ZMIZ1: variants seen among roughly 807,000 people sequenced by gnomAD.
ZMIZ1 encodes zinc finger MIZ-type containing 1, also known as zinc finger MIZ domain-containing protein 1.
In ZMIZ1, 17 loss-of-function variants were observed where a neutral mutation model predicts 113.9. That is an observed-to-expected ratio of 0.15 (90% CI 0.10 to 0.22). ZMIZ1 has a LOEUF of 0.22. Among genes scored for constraint, ZMIZ1 ranks in the 10% least tolerant of loss-of-function variants. The probability of loss-of-function intolerance (pLI) is 1.00; values close to 1 mark genes in which losing one functional copy is unlikely to be tolerated. For synonymous variants in ZMIZ1, 607 were observed against 603.1 expected (o/e 1.01, Z -0.09); for missense variants, 1,059 against 1,477.8 (o/e 0.72, Z 4.65).
chr10:79,226,452 A>G (rs988762299), intron 7 of ZMIZ1, among the ~76,000 whole-genome samples: 15 of 152,196 alleles, frequency 9.9e-5, no homozygotes, highest in African/African-American at 3.6e-4. Context: ...AGGTCCTGCC[A>G]AAACAACCCC....
At chr10:79,146,128 T>A (rs1025306885) in intron 3 of ZMIZ1, among the ~76,000 whole-genome samples, 41 of 152,042 alleles carry the variant, frequency 2.7e-4, no homozygotes, top group Non-Finnish European at 5.0e-4. Context: ...CAGGGAAGGG[T>A]GGGAGCTGGC....
intron 3 of ZMIZ1, among the ~76,000 whole-genome samples, chr10:79,143,386 G>A (rs1845352438): frequency 6.6e-6 from 1 of 152,070 alleles, no homozygotes; most frequent in South Asian, 2.1e-4. Context: ...TCTGGCTGAG[G>A]TTTGACCCCG....
intron 1 of ZMIZ1, among the ~76,000 whole-genome samples, chr10:79,100,677 A>G (rs76962256): frequency 0.017 from 2,625 of 152,288 alleles, 70 homozygotes; most frequent in African/African-American, 0.051. Flanking sequence ...CAGGGGTCCC[A>G]TGATCCCTGC....
intron 3 of ZMIZ1, among the ~76,000 whole-genome samples, chr10:79,141,877 C>T (rs756366817): frequency 1.3e-5 from 2 of 152,134 alleles, no homozygotes; most frequent in Non-Finnish European, 2.9e-5. Context: ...CTCCTGTAGG[C>T]GGACAAGTGT....
chr10:79,200,665 A>G (rs982694537), intron 4 of ZMIZ1, among the ~76,000 whole-genome samples: 2 of 152,138 alleles, frequency 1.3e-5, no homozygotes, highest in African/African-American at 4.8e-5. Context: ...TCTGTCTCTC[A>G]GCCTCAGTTT....
At chr10:79,220,241 C>T (rs753175579) in intron 7 of ZMIZ1, among the ~76,000 whole-genome samples, 11 of 152,186 alleles carry the variant, frequency 7.2e-5, no homozygotes, top group South Asian at 2.1e-4. Context: ...TAATACCTGA[C>T]GCACACTGGG....
rs148910140 is a variant in ZMIZ1 at position 79,302,124 on chromosome 10, G to A, written c.2037G>A (p.Leu679=). Residue 679 remains leucine, a synonymous_variant, in exon 18 of 25, where the codon CTG becomes CTA. Transcript: ENST00000334512. ...TACCCSHLFV[L]QLVHRPSVRS... ...CCCCGCAGTCCCACCTCTTCGTGCT[G>A]CAGCTGGTACACCGGCCCTCCGTCC... 346 of 1,613,976 alleles carry A rather than the reference G, an allele frequency of 2.1e-4. No homozygotes were observed. The highest frequency in any genetic ancestry group is 2.7e-4 in the Non-Finnish European group (313 of 1,180,020).
intron 6 of ZMIZ1, 101 bp downstream of exon 6, chr10:79,208,550 T>C: frequency 4.1e-6 from 4 of 978,036 alleles, no homozygotes; most frequent in Non-Finnish European, 6.1e-6. Context: ...CATTGGGAGG[T>C]GACACCAGTG....
At chr10:79,211,817 G>T (rs1341751409) in intron 6 of ZMIZ1, among the ~76,000 whole-genome samples, 3 of 152,206 alleles carry the variant, frequency 2.0e-5, no homozygotes, top group Non-Finnish European at 4.4e-5. Flanking sequence ...CCCTCTGGGC[G>T]CCCTCTCCCT....
At chr10:79,074,810 G>A (rs1842413799) in intron 1 of ZMIZ1, among the ~76,000 whole-genome samples, 1 of 152,254 alleles carries the variant, frequency 6.6e-6, no homozygotes, top group African/African-American at 2.4e-5. Context: ...AGGCCAGGGA[G>A]CAGCCGGGCA....
intron 9 of ZMIZ1, 38 bp from the exon 10 acceptor site, chr10:79,290,921 G>T (rs907048450): frequency 6.2e-7 from 1 of 1,607,144 alleles, no homozygotes; most frequent in Non-Finnish European, 8.5e-7. Flanking sequence ...CACTGCCTCG[G>T]GTAGCACCTT....
At chr10:79,271,012 T>C (rs1851916562) in intron 7 of ZMIZ1, among the ~76,000 whole-genome samples, 1 of 152,048 alleles carries the variant, frequency 6.6e-6, no homozygotes, top group Admixed American at 6.5e-5. Flanking sequence ...TGCCTCCAAA[T>C]GGGGAATTGA....
chr10:79,292,215 G>A lies in ZMIZ1; in HGVS notation c.816G>A (p.Pro272=), dbSNP rs372248154. 8.6e-5 allele frequency: 139 copies of A among 1,612,266 alleles called. No homozygotes were observed. Among genetic ancestry groups the A allele is most frequent in the Non-Finnish European group, 1.1e-4 (134 of 1,179,642 alleles). ...TGGGCATCCCTCCGCACACCAGGCC[G>A]CCTGCTGACTTCACTCAGCCCGCGG... ...AGMGIPPHTR[P]PADFTQPAAA... The change falls in exon 11 of 25, where the codon CCG becomes CCA. Residue 272 remains proline, a synonymous_variant. Transcript: ENST00000334512.
chr10:79,149,711 C>G (rs1031726058), intron 3 of ZMIZ1, among the ~76,000 whole-genome samples: 1 of 152,206 alleles, frequency 6.6e-6, no homozygotes, highest in Admixed American at 6.5e-5. Flanking sequence ...TGCAAGAGCT[C>G]GCCCTCCAGG....
intron 1 of ZMIZ1, among the ~76,000 whole-genome samples, chr10:79,078,854 C>A (rs1211050971): frequency 2.0e-5 from 3 of 151,966 alleles, no homozygotes; most frequent in Middle Eastern, 3.4e-3. Flanking sequence ...TAGCCCCACC[C>A]TTTTTTTAAT....
chr10:79,181,892 C>T (rs549338827), intron 4 of ZMIZ1, among the ~76,000 whole-genome samples: 1 of 152,374 alleles, frequency 6.6e-6, no homozygotes, highest in South Asian at 2.1e-4. Context: ...CGGCTCCCCA[C>T]CGGCAGCTGA....
chr10:79,278,458 A>C (rs1410598880), intron 8 of ZMIZ1, among the ~76,000 whole-genome samples: 1 of 149,976 alleles, frequency 6.7e-6, no homozygotes, highest in Non-Finnish European at 1.5e-5. Flanking sequence ...TTTAGTATTT[A>C]TTGATCATTC....
At chr10:79,174,811 AGG>A (rs1171268614) in intron 4 of ZMIZ1, among the ~76,000 whole-genome samples, 1 of 152,192 alleles carries the variant, frequency 6.6e-6, no homozygotes, top group Admixed American at 6.5e-5. Context: ...GGGGGATCCG[AGG>A]GTCCAACAGT....
intron 8 of ZMIZ1, among the ~76,000 whole-genome samples, chr10:79,284,812 G>A (rs1440431594): frequency 2.0e-5 from 3 of 152,234 alleles, no homozygotes; most frequent in East Asian, 3.9e-4. Flanking sequence ...TCCCTCTGTC[G>A]GCTGAATATT....
Sources: gnomAD v4.1 joint callset for allele counts (sites outside exome capture counted in the v4.1 genomes callset) on GRCh38, gnomAD v4.1.1 for gene constraint, MANE v1.5 for transcripts, NCBI Gene and HGNC (gene_info 2026-07-23, HGNC 2026-07-21) for gene names.